The following COX7B2 variants were observed in gnomAD, a reference collection of about 807,000 sequenced individuals.
COX7B2 encodes cytochrome c oxidase subunit 7B2, mitochondrial.
For synonymous variants in COX7B2, 37 were observed against 32.1 expected (o/e 1.15, Z -0.51); for missense variants, 109 against 95.9 (o/e 1.14, Z -0.57).
intron 2 of COX7B2, among the ~76,000 whole-genome samples, chr4:46,791,203 G>C (rs189777396): frequency 6.6e-6 from 1 of 150,686 alleles, no homozygotes; most frequent in Non-Finnish European, 1.5e-5. Flanking sequence ...TAGAGAGGGA[G>C]TTTTACCGTG....
chr4:46,842,092 C>T (rs1715968012), intron 2 of COX7B2, among the ~76,000 whole-genome samples: 1 of 152,012 alleles, frequency 6.6e-6, no homozygotes, highest in South Asian at 2.1e-4. Flanking sequence ...CCTTCAAGTT[C>T]ACTAACCTAA....
intron 2 of COX7B2, among the ~76,000 whole-genome samples, chr4:46,807,406 C>T (rs1331254169): frequency 6.6e-6 from 1 of 151,926 alleles, no homozygotes; most frequent in African/African-American, 2.4e-5. Context: ...AAATTTTAAA[C>T]ATTAAACGCT....
At chr4:46,869,622 C>T (rs1173903848) in intron 1 of COX7B2, among the ~76,000 whole-genome samples, 5 of 152,114 alleles carry the variant, frequency 3.3e-5, no homozygotes, top group African/African-American at 1.2e-4. Flanking sequence ...TTCTCCTTTG[C>T]TTAGCAAGCT....
At chr4:46,757,045 T>C (rs1715844793) in intron 2 of COX7B2, among the ~76,000 whole-genome samples, 1 of 152,050 alleles carries the variant, frequency 6.6e-6, no homozygotes, top group Non-Finnish European at 1.5e-5. Context: ...AACCTAAGTG[T>C]CCATCAATAG....
At chr4:46,870,222 A>C (rs1166246056) in intron 1 of COX7B2, among the ~76,000 whole-genome samples, 1 of 152,190 alleles carries the variant, frequency 6.6e-6, no homozygotes, top group East Asian at 1.9e-4. Context: ...TAAAAAAACT[A>C]AGGACAAAAA....
chr4:46,770,934 C>T (rs991579476), intron 2 of COX7B2, among the ~76,000 whole-genome samples: 3 of 152,032 alleles, frequency 2.0e-5, no homozygotes, highest in Admixed American at 6.6e-5. Flanking sequence ...TTTTATATGA[C>T]CCCAAAAGCA....
Position 46,873,564 on chromosome 4 carries a change from G to A in COX7B2, c.-104-28550C>T, listed in dbSNP as rs372857018. ...TGGTTTTGATTTGCATTTGTCTAAC[G>A]ACCAGTGAAGATGAGCATTTTTTCA... On this transcript the variant is annotated intron_variant, in intron 1 of 2. Coordinates refer to ENST00000355591, the MANE Select transcript of COX7B2 (RefSeq NM_130902.3). 9.4e-4 allele frequency among the ~76,000 whole-genome samples: 143 copies of A among 152,232 alleles called. 1 individual carries two copies. The Middle Eastern group carries it at 0.017, about 18-fold the overall frequency.
chr4:46,848,300 A>G (rs886894762), intron 1 of COX7B2, among the ~76,000 whole-genome samples: 8 of 152,192 alleles, frequency 5.3e-5, no homozygotes, highest in African/African-American at 1.9e-4. Context: ...TTTCATTGTT[A>G]TAAGACATGC....
At chr4:46,808,606 T>C (rs1022604419) in intron 2 of COX7B2, among the ~76,000 whole-genome samples, 10 of 151,916 alleles carry the variant, frequency 6.6e-5, no homozygotes, top group Non-Finnish European at 1.5e-5. Flanking sequence ...GGACATCACT[T>C]GCCTTGTACC....
chr4:46,803,360 A>G (rs1372912664), intron 2 of COX7B2, among the ~76,000 whole-genome samples: 1 of 152,216 alleles, frequency 6.6e-6, no homozygotes, highest in African/African-American at 2.4e-5. Context: ...GTTGCCAGAT[A>G]AAAAATTTGG....
At chr4:46,852,997 A>G (rs1377262302) in intron 1 of COX7B2, among the ~76,000 whole-genome samples, 1 of 152,210 alleles carries the variant, frequency 6.6e-6, no homozygotes, top group African/African-American at 2.4e-5. Flanking sequence ...CTTTAGGCAT[A>G]CATTATAGTG....
At chr4:46,762,481 A>G (rs1225772630) in intron 2 of COX7B2, among the ~76,000 whole-genome samples, 1 of 140,244 alleles carries the variant, frequency 7.1e-6, no homozygotes, top group African/African-American at 2.6e-5. Context: ...TATATATACT[A>G]TATATTGTAA....
chr4:46,754,019 T>C (rs1309714844), intron 2 of COX7B2, among the ~76,000 whole-genome samples: 1 of 152,094 alleles, frequency 6.6e-6, no homozygotes, highest in Non-Finnish European at 1.5e-5. Context: ...TCAGACACCA[T>C]TTCACACCAG....
At chr4:46,859,303 C>T (rs990549386) in intron 1 of COX7B2, among the ~76,000 whole-genome samples, 1 of 152,136 alleles carries the variant, frequency 6.6e-6, no homozygotes, top group Non-Finnish European at 1.5e-5. Flanking sequence ...ACAATGTTGA[C>T]TCAACTGCTC....
rs181453291 is a variant in COX7B2 at position 46,749,639 on chromosome 4, G to T, written c.-49-14398C>A. ...ATCAGAAATCCATACTCTAGGAATGGCTACAAGATGTACCTGTCACATAAT... is the reference window on the plus strand; with the variant it reads ...ATCAGAAATCCATACTCTAGGAATGTCTACAAGATGTACCTGTCACATAAT... On this transcript the variant is annotated intron_variant, in intron 2 of 2. Transcript: ENST00000355591. Among the ~76,000 whole-genome samples the T allele has an allele frequency of 4.3e-4, 65 of 152,286 alleles. 1 individual carries two copies. The East Asian group carries it at 9.6e-3, about 23-fold the overall frequency.
At chr4:46,745,322 A>C (rs1426913268) in intron 2 of COX7B2, among the ~76,000 whole-genome samples, 1 of 152,176 alleles carries the variant, frequency 6.6e-6, no homozygotes, top group African/African-American at 2.4e-5. Flanking sequence ...TGTTATTGCT[A>C]TCACCTAGAT....
chr4:46,735,539 C>T (rs1284343715), intron 2 of COX7B2, among the ~76,000 whole-genome samples: 3 of 152,152 alleles, frequency 2.0e-5, no homozygotes, highest in African/African-American at 7.2e-5. Context: ...TGCATTGACT[C>T]TACAGACTAC....
At chr4:46,828,994 G>A (rs1222625511) in intron 2 of COX7B2, among the ~76,000 whole-genome samples, 1 of 152,072 alleles carries the variant, frequency 6.6e-6, no homozygotes, top group Non-Finnish European at 1.5e-5. Context: ...AGCCTTATAT[G>A]TGAACTATTA....
intron 2 of COX7B2, among the ~76,000 whole-genome samples, chr4:46,766,022 T>A (rs1716513817): frequency 6.6e-6 from 1 of 151,962 alleles, no homozygotes; most frequent in African/African-American, 2.4e-5. Context: ...GTCCACTCAG[T>A]GGACACAGGC....
Sources: gnomAD v4.1 joint callset for allele counts (sites outside exome capture counted in the v4.1 genomes callset) on GRCh38, gnomAD v4.1.1 for gene constraint, MANE v1.5 for transcripts, NCBI Gene and HGNC (gene_info 2026-07-23, HGNC 2026-07-21) for gene names.